DGKE: variants seen among roughly 807,000 people sequenced by gnomAD.
DGKE encodes diacylglycerol kinase epsilon.
Under a neutral mutation model 70.0 loss-of-function variants are expected in DGKE, and 53 were observed. That is an observed-to-expected ratio of 0.76 (90% CI 0.61 to 0.95). DGKE has a LOEUF of 0.95. Ranked by LOEUF, DGKE falls within the 40% of genes least tolerant of loss-of-function variation. DGKE has a pLI of 0.00. For missense variants in DGKE, 655 were observed against 706.9 expected (o/e 0.93, Z 0.83); for synonymous variants, 291 against 257.0 (o/e 1.13, Z -1.27).
chr17:56,847,459 C>G (rs1029762766), intron 4 of DGKE: 1 of 151,976 alleles, frequency 6.6e-6, no homozygotes, highest in Non-Finnish European at 1.5e-5. Context: ...CTCAGCCTCC[C>G]GAGTAGCTAG....
Position 56,856,463 on chromosome 17 carries a change from A to G in DGKE, c.1099-49A>G. On this transcript the variant is annotated intron_variant, in intron 7 of 11. Coordinates refer to ENST00000284061, the MANE Select transcript of DGKE (RefSeq NM_003647.3). ...AAGATTGACATTTAATTATGACTCA[A>G]GCTTAGGTGGAACCATAGTCTGTTG... The G allele has an allele frequency of 2.6e-6, 4 of 1,560,836 alleles. No homozygotes were observed. In the South Asian group the frequency reaches 4.8e-5, roughly 19 times the overall value.
intron 2 of DGKE, among the ~76,000 whole-genome samples, chr17:56,839,084 A>G (rs1906805994): frequency 6.6e-6 from 1 of 152,202 alleles, no homozygotes; most frequent in South Asian, 2.1e-4. Flanking sequence ...ATATTTTAAA[A>G]AGCAAGTAAA....
chr17:56,839,909 A>T (rs1906862372), intron 2 of DGKE, among the ~76,000 whole-genome samples: 1 of 151,750 alleles, frequency 6.6e-6, no homozygotes, highest in Non-Finnish European at 1.5e-5. Flanking sequence ...GGCTGAGCGC[A>T]GTGGCTCATG....
rs528468200 is a variant in DGKE at position 56,845,637 on chromosome 17, T to A, written c.625-53T>A. On this transcript the variant is annotated intron_variant, in intron 3 of 11. Coordinates refer to ENST00000284061, the MANE Select transcript of DGKE (RefSeq NM_003647.3). The stretch of plus-strand genomic sequence containing the variant: ...CATTGTTCTCAAGGCATGGAAAATG[T>A]GCTTTTCATCTTTAAGATACTAAAC... 9.7e-6 allele frequency: 15 copies of A among 1,547,066 alleles called. No homozygotes were observed. The African/African-American group carries it at 2.0e-4, about 20-fold the overall frequency.
At chr17:56,858,511 G>A in intron 8 of DGKE, 83 bp from the exon 9 acceptor site, 1 of 1,129,656 alleles carries the variant, frequency 8.9e-7, no homozygotes, top group Non-Finnish European at 1.3e-6. Flanking sequence ...ATTCTTAAAG[G>A]GAGCTTTGAT....
chr17:56,862,719 T>C lies in DGKE; in HGVS notation c.1632T>C (p.Tyr544=). 2 of 1,611,226 alleles carry C rather than the reference T, an allele frequency of 1.2e-6. No homozygotes were observed. Among genetic ancestry groups the C allele is most frequent in the Non-Finnish European group, 1.7e-6 (2 of 1,179,246 alleles). Residue 544 remains tyrosine (Y), a synonymous_variant, in exon 12 of 12, where the codon TAT becomes TAC. Coordinates refer to ENST00000284061, the MANE Select transcript of DGKE (RefSeq NM_003647.3). ...ACAAGACACATGCAATGATGTTATA[T>C]TTCTCTGGAGAACAAACAGATGATG... ...ITHKTHAMML[Y]FSGEQTDDDI... is the part of the protein sequence containing the mutation.
chr17:56,849,063 A>G (rs1421733416), intron 6 of DGKE, 118 bp from the exon 7 acceptor site: 5 of 1,213,830 alleles, frequency 4.1e-6, no homozygotes, highest in Non-Finnish European at 4.6e-6. Flanking sequence ...TTGCATGCTC[A>G]TATACGTGTG....
rs1908379699 is a variant in DGKE, at chr17:56,862,886, A to C, written c.*95A>C. On this transcript the variant is annotated 3_prime_UTR_variant, in exon 12 of 12. Transcript: ENST00000284061. ...AATAGAAATTCTCTATCAGCTATTC[A>C]GTCTTAATTTCACTAGTAGTATAAT... The C allele has an allele frequency of 1.7e-6, 2 of 1,143,254 alleles. No homozygotes were observed. The highest frequency in any genetic ancestry group is 2.3e-6 in the Non-Finnish European group (2 of 872,216). 70.8% of individuals were successfully genotyped at this position (1,143,254 alleles called of 1,614,324 possible). A position where few individuals can be genotyped will look rare whatever the true frequency, so the allele number is the denominator to read the frequency against.
chr17:56,862,472 T>C, intron 11 of DGKE, 140 bp from the exon 12 acceptor site: 2 of 933,404 alleles, frequency 2.1e-6, no homozygotes, highest in Non-Finnish European at 3.1e-6. Flanking sequence ...CCTTAATCAA[T>C]GAATAAAAAC....
At chr17:56,860,937 G>C (rs935749762) in intron 9 of DGKE, among the ~76,000 whole-genome samples, 4 of 152,216 alleles carry the variant, frequency 2.6e-5, no homozygotes, top group Non-Finnish European at 5.9e-5. Flanking sequence ...CATGGGCATT[G>C]AAGGGTTAAA....
At position 56,864,713 on chromosome 17, in the gene DGKE, G is replaced by C. The variant is rs1321476063; in HGVS notation, c.*1922G>C. The C allele has an allele frequency of 6.6e-6, 1 of 151,698 alleles. No homozygotes were observed. Among genetic ancestry groups the C allele is most frequent in the Non-Finnish European group, 1.5e-5 (1 of 67,976 alleles). 9.4% of individuals were successfully genotyped at this position (151,698 alleles called of 1,614,324 possible). ...AATACACTGTTAAATCCACTTTGCT[G>C]TAGGTTATAGTTTACCTGTTATATA... On this transcript the variant is annotated 3_prime_UTR_variant, in exon 12 of 12. Coordinates refer to ENST00000284061, the MANE Select transcript of DGKE (RefSeq NM_003647.3).
rs1598027462 is a variant in DGKE at position 56,845,941 on chromosome 17, A to C, written c.744+132A>C. On this transcript the variant is annotated intron_variant, in intron 4 of 11. Coordinates refer to ENST00000284061, the MANE Select transcript of DGKE (RefSeq NM_003647.3). The stretch of plus-strand genomic sequence containing the variant: ...AATTACAAAAAGATCAGCCATTTAA[A>C]TATGTGGATAAACAGGCACTCTTGT... 8 of 981,082 alleles carry C rather than the reference A, an allele frequency of 8.2e-6. No homozygotes were observed. The East Asian group carries it at 2.4e-4, about 30-fold the overall frequency. The allele number at this position is 981,082 out of a possible 1,614,324, so 60.8% of individuals were successfully genotyped here. A position where few individuals can be genotyped will look rare whatever the true frequency, so the allele number is the denominator to read the frequency against.
chr17:56,856,305 G>A (rs982452778), intron 7 of DGKE, among the ~76,000 whole-genome samples: 5 of 152,146 alleles, frequency 3.3e-5, no homozygotes, highest in African/African-American at 1.2e-4. Context: ...AGAAATGGAA[G>A]ATGAGATTCA....
intron 7 of DGKE, 29 bp downstream of exon 7, chr17:56,849,261 G>A: frequency 6.3e-7 from 1 of 1,598,734 alleles, no homozygotes; most frequent in Non-Finnish European, 8.5e-7. Flanking sequence ...AGTTGCAAGT[G>A]GTTTCAGCTT....
rs147029870 is a variant in DGKE at position 56,856,267 on chromosome 17, G to A, written c.1099-245G>A. ...GCATCAAGTAGAGCCATTCTAGATGGTAAGGTCTGAGGTGTAGCATATAAA... is the reference window on the plus strand; with the variant it reads ...GCATCAAGTAGAGCCATTCTAGATGATAAGGTCTGAGGTGTAGCATATAAA... On this transcript the variant is annotated intron_variant, in intron 7 of 11. Coordinates refer to ENST00000284061, the MANE Select transcript of DGKE (RefSeq NM_003647.3). Among the ~76,000 whole-genome samples, 1,041 of 152,224 alleles carry A rather than the reference G, an allele frequency of 6.8e-3. 6 individuals carry two copies. Among genetic ancestry groups the A allele is most frequent in the Middle Eastern group, 0.024 (7 of 292 alleles).
At position 56,862,727 on chromosome 17, in the gene DGKE, G is replaced by A; in HGVS notation, c.1640G>A (p.Gly547Glu). Reference sequence around the variant, plus strand: ...CATGCAATGATGTTATATTTCTCTGGAGAACAAACAGATGATGACATCTCT... The same window carrying A: ...CATGCAATGATGTTATATTTCTCTGAAGAACAAACAGATGATGACATCTCT... ...KTHAMMLYFS[G>E]EQTDDDISST... The change falls in exon 12 of 12, where the codon GGA becomes GAA. Residue 547 changes from glycine (G) to glutamate (E), a missense_variant. Physicochemically the swap from Gly to Glu is moderately conservative, Grantham distance 98. Coordinates refer to ENST00000284061, the MANE Select transcript of DGKE (RefSeq NM_003647.3). 3 of 1,610,496 alleles carry A rather than the reference G, an allele frequency of 1.9e-6. No homozygotes were observed. The highest frequency in any genetic ancestry group is 1.7e-6 in the Non-Finnish European group (2 of 1,179,008).
intron 5 of DGKE, 40 bp downstream of exon 5, chr17:56,848,105 A>AT: frequency 7.9e-7 from 1 of 1,264,372 alleles, no homozygotes; most frequent in Non-Finnish European, 1.0e-6. Flanking sequence ...GACTTCTAAG[A>AT]TAAATATACT....
At chr17:56,841,064 G>A (rs1239932273) in intron 2 of DGKE, among the ~76,000 whole-genome samples, 2 of 151,862 alleles carry the variant, frequency 1.3e-5, no homozygotes, top group Admixed American at 6.6e-5. Context: ...CAGCCTGACC[G>A]ATATGGTGAA....
At chr17:56,847,886 G>A (rs757117507) in intron 4 of DGKE, 36 bp from the exon 5 acceptor site, 10 of 1,460,674 alleles carry the variant, frequency 6.8e-6, no homozygotes, top group South Asian at 2.8e-5. Context: ...GGAAAATGTT[G>A]GATAAAAATA....
Sources: gnomAD v4.1 joint callset for allele counts (sites outside exome capture counted in the v4.1 genomes callset) on GRCh38, gnomAD v4.1.1 for gene constraint, MANE v1.5 for transcripts, NCBI Gene and HGNC (gene_info 2026-07-23, HGNC 2026-07-21) for gene names.